Variants in KHDRBS2 observed in about 807,000 individuals in gnomAD.
KHDRBS2 encodes KH domain-containing, RNA-binding, signal transduction-associated protein 2.
A neutral mutation model predicts 44.3 loss-of-function variants in KHDRBS2; 26 were observed. The observed-to-expected ratio is 0.59, with a 90% CI of 0.43 to 0.81. The LOEUF (loss-of-function observed/expected upper bound fraction) is 0.81, where lower values mean the gene tolerates loss of function less well. Among genes scored for constraint, KHDRBS2 ranks in the 40% least tolerant of loss-of-function variants. KHDRBS2 has a pLI of 0.00. For synonymous variants in KHDRBS2, 194 were observed against 151.1 expected (o/e 1.28, Z -2.08); for missense variants, 476 against 433.1 (o/e 1.10, Z -0.88).
At chr6:61,896,461 T>G (rs1220329482) in intron 5 of KHDRBS2, among the ~76,000 whole-genome samples, 1 of 152,138 alleles carries the variant, frequency 6.6e-6, no homozygotes, top group Non-Finnish European at 1.5e-5. Context: ...TATATGATGC[T>G]CATATCAAAT....
intron 3 of KHDRBS2, among the ~76,000 whole-genome samples, chr6:61,984,780 C>G (rs1184927993): frequency 2.6e-5 from 4 of 152,180 alleles, no homozygotes; most frequent in Non-Finnish European, 5.9e-5. Context: ...TGTCTGTTAA[C>G]TTGCAAGCCT....
At chr6:61,734,121 C>A (rs1267249382) in intron 6 of KHDRBS2, among the ~76,000 whole-genome samples, 1 of 152,026 alleles carries the variant, frequency 6.6e-6, no homozygotes, top group Admixed American at 6.6e-5. Context: ...TTCCTTATTT[C>A]TTCATTTTCA....
intron 6 of KHDRBS2, among the ~76,000 whole-genome samples, chr6:61,890,542 T>C (rs539258654): frequency 6.6e-6 from 1 of 152,308 alleles, no homozygotes; most frequent in African/African-American, 2.4e-5. Context: ...TGCTAACTAC[T>C]ATTACCTGAA....
intron 7 of KHDRBS2, among the ~76,000 whole-genome samples, chr6:61,702,807 A>C (rs1768902947): frequency 6.6e-6 from 1 of 151,878 alleles, no homozygotes; most frequent in African/African-American, 2.4e-5. Flanking sequence ...CACTCCACTT[A>C]TTTACGTATT....
chr6:61,653,268 G>A, the KHDRBS2 span, among the ~76,000 whole-genome samples: 2 of 152,052 alleles, frequency 1.3e-5, no homozygotes, highest in East Asian at 3.9e-4. Flanking sequence ...TTCCTCTGAA[G>A]TGCCTGTTTA....
intron 1 of KHDRBS2, among the ~76,000 whole-genome samples, chr6:62,213,292 T>C (rs1829399675): frequency 6.6e-6 from 1 of 151,976 alleles, no homozygotes; most frequent in Admixed American, 6.6e-5. Flanking sequence ...GGGGAGAAGA[T>C]GCCAAAGTGT....
intron 1 of KHDRBS2, among the ~76,000 whole-genome samples, chr6:62,278,197 A>G (rs1841278409): frequency 6.6e-6 from 1 of 152,238 alleles, no homozygotes; most frequent in Non-Finnish European, 1.5e-5. Context: ...ATGAAGATAT[A>G]TTTCTCATAA....
chr6:61,690,312 A>T (rs1212354240), intron 8 of KHDRBS2, among the ~76,000 whole-genome samples: 1 of 151,952 alleles, frequency 6.6e-6, no homozygotes, highest in African/African-American at 2.4e-5. Flanking sequence ...CTAAATATAA[A>T]TCTATATCCT....
chr6:61,875,186 C>T (rs1799237686), intron 6 of KHDRBS2, among the ~76,000 whole-genome samples: 1 of 150,080 alleles, frequency 6.7e-6, no homozygotes, highest in African/African-American at 2.5e-5. Flanking sequence ...GTGGTGGGGG[C>T]AGGGAGGGAG....
intron 1 of KHDRBS2, among the ~76,000 whole-genome samples, chr6:62,199,630 A>T (rs112826907): frequency 0.012 from 1,817 of 152,286 alleles, 36 homozygotes; most frequent in African/African-American, 0.042. Context: ...GGGTAGGAAG[A>T]CTCAATATCG....
chr6:61,848,564 TATATATATATAC>T (rs1431021705), intron 6 of KHDRBS2, among the ~76,000 whole-genome samples: 17 of 47,654 alleles, frequency 3.6e-4, no homozygotes, highest in South Asian at 8.3e-4. Context: ...TATATATATG[TATATATATATAC>T]ATATATATAT....
At chr6:61,835,708 TGC>T (rs892216819) in intron 6 of KHDRBS2, among the ~76,000 whole-genome samples, 1 of 111,526 alleles carries the variant, frequency 9.0e-6, no homozygotes, top group Non-Finnish European at 1.8e-5. Context: ...TGTTGATGTG[TGC>T]GTGTGTGTGT....
intron 6 of KHDRBS2, among the ~76,000 whole-genome samples, chr6:61,783,207 T>C (rs931674799): frequency 1.3e-5 from 2 of 152,148 alleles, no homozygotes; most frequent in African/African-American, 4.8e-5. Flanking sequence ...AATTTATTTG[T>C]AATCAGTTAC....
chr6:62,136,122 A>G (rs1225644325), intron 2 of KHDRBS2, among the ~76,000 whole-genome samples: 2 of 152,180 alleles, frequency 1.3e-5, no homozygotes, highest in Non-Finnish European at 2.9e-5. Flanking sequence ...TGATAGATTT[A>G]CTTGACTGTA....
rs191052480 is a variant in KHDRBS2, at chr6:61,933,883, G to T, written c.484-32512C>A. 3.9e-5 allele frequency among the ~76,000 whole-genome samples: 6 copies of T among 152,130 alleles called. No homozygotes were observed. In the East Asian group the frequency reaches 9.7e-4, roughly 25 times the overall value. On this transcript the variant is annotated intron_variant, in intron 4 of 8. Coordinates refer to ENST00000281156, the MANE Select transcript of KHDRBS2 (RefSeq NM_152688.4). Reference sequence around the variant, plus strand: ...TTTTTAAGGACCTTCCATATTATTTGCCATAAGGACTGTACTAATTTACAT... The same window carrying T: ...TTTTTAAGGACCTTCCATATTATTTTCCATAAGGACTGTACTAATTTACAT...
intron 2 of KHDRBS2, among the ~76,000 whole-genome samples, chr6:62,053,471 T>C (rs1789547430): frequency 6.6e-6 from 1 of 152,040 alleles, no homozygotes; most frequent in South Asian, 2.1e-4. Context: ...ATACAAGTAT[T>C]TTAAGATTTA....
chr6:61,716,411 T>C (rs1771437218), intron 7 of KHDRBS2, among the ~76,000 whole-genome samples: 1 of 151,958 alleles, frequency 6.6e-6, no homozygotes. Flanking sequence ...TCCAGATGTA[T>C]AAAAAAATTC....
chr6:62,229,890 G>C (rs1832614715), intron 1 of KHDRBS2, among the ~76,000 whole-genome samples: 2 of 152,200 alleles, frequency 1.3e-5, no homozygotes, highest in African/African-American at 4.8e-5. Flanking sequence ...TGCACACTGT[G>C]ATGGTTCTTT....
chr6:61,616,517 A>T, the KHDRBS2 span, among the ~76,000 whole-genome samples: 1 of 150,784 alleles, frequency 6.6e-6, no homozygotes, highest in East Asian at 1.9e-4. Flanking sequence ...TGCTTTCTAA[A>T]CCATTAATAA....
Sources: gnomAD v4.1 joint callset for allele counts (sites outside exome capture counted in the v4.1 genomes callset) on GRCh38, gnomAD v4.1.1 for gene constraint, MANE v1.5 for transcripts, NCBI Gene and HGNC (gene_info 2026-07-23, HGNC 2026-07-21) for gene names.